LCORL: variants seen among roughly 807,000 people sequenced by gnomAD.
LCORL encodes the protein ligand-dependent nuclear receptor corepressor-like protein.
Under a neutral mutation model 141.8 loss-of-function variants are expected in LCORL, and 41 were observed. The observed-to-expected ratio is 0.29, with a 90% CI of 0.23 to 0.38. The LOEUF is 0.38. Ranked by LOEUF, LCORL falls within the 10% of genes least tolerant of loss-of-function variation. The pLI, the probability that LCORL is intolerant of heterozygous loss-of-function variation, is 1.00. For missense variants in LCORL, 1,759 were observed against 2,035.0 expected (o/e 0.86, Z 2.61); for synonymous variants, 618 against 694.1 (o/e 0.89, Z 1.72).
chr4:17,914,055 T>C (rs958525282), intron 4 of LCORL, among the ~76,000 whole-genome samples: 1 of 152,248 alleles, frequency 6.6e-6, no homozygotes, highest in African/African-American at 2.4e-5. Flanking sequence ...TATAAACCCA[T>C]GTGATACTTT....
chr4:17,982,394 C>T (rs976406500), intron 1 of LCORL, among the ~76,000 whole-genome samples: 1 of 152,128 alleles, frequency 6.6e-6, no homozygotes, highest in African/African-American at 2.4e-5. Context: ...TTTATCCTCC[C>T]ACCAACAGTG....
chr4:18,011,093 A>G (rs959286289), intron 1 of LCORL, among the ~76,000 whole-genome samples: 12 of 152,112 alleles, frequency 7.9e-5, no homozygotes, highest in Non-Finnish European at 1.6e-4. Flanking sequence ...TTCTCTACTG[A>G]GCCTAGGACT....
At position 17,877,131 on chromosome 4, in the gene LCORL, G is replaced by T; in HGVS notation, c.1859C>A (p.Ser620Ter). The T allele has an allele frequency of 8.1e-7, 1 of 1,230,798 alleles. No individual in the cohort carries two copies. The highest frequency in any genetic ancestry group is 1.0e-6 in the Non-Finnish European group (1 of 987,074). The allele number at this position is 1,230,798 out of a possible 1,614,324, so 76.2% of individuals were successfully genotyped here. ...TAAAGACTGCCTTCTAAACATGGGT[G>T]AATCAGAGGAGTTGCGCATTGCAAA... Residue 620 changes from serine (S) to a stop codon, truncating the protein, a stop_gained, in exon 7 of 8, where the codon TCA (serine) becomes TAA (stop). Transcript: ENST00000635767. LOFTEE classifies it high-confidence loss of function.
At chr4:17,909,279 C>T (rs768142522) in exon 5 of LCORL, 12 of 1,610,410 alleles carry the variant, frequency 7.5e-6, no homozygotes, top group Middle Eastern at 1.6e-4. Context: ...CGCAAATTGA[C>T]GTATCATCTT....
chr4:18,021,544 C>A lies in LCORL; in HGVS notation c.154+54G>T. ...ACCCCTCAGCCACAAACTCCTCGGGCTGCGACAGCGGTCGCCGCGCGGAGC... is the reference window on the plus strand; with the variant it reads ...ACCCCTCAGCCACAAACTCCTCGGGATGCGACAGCGGTCGCCGCGCGGAGC... On this transcript the variant is annotated intron_variant, in intron 1 of 7. Coordinates refer to ENST00000635767, the Ensembl canonical transcript of LCORL. The surrounding 1 kb of genome is among the most constrained non-coding windows in gnomAD (Gnocchi z 5.5). The A allele has an allele frequency of 5.4e-6, 8 of 1,468,544 alleles. No individual in the cohort carries two copies. The highest frequency in any genetic ancestry group is 6.4e-6 in the Non-Finnish European group (7 of 1,096,356). 91.0% of individuals were successfully genotyped at this position (1,468,544 alleles called of 1,614,324 possible). A position where few individuals can be genotyped will look rare whatever the true frequency, so the allele number is the denominator to read the frequency against.
rs375528334 is a variant in LCORL, at chr4:17,909,216, A to G, written c.560T>C (p.Ile187Thr). Reference sequence around the variant, plus strand: ...ACTTTTACATACTATACTTGGTCCAATTGAACCATTTCTATTCTCTTGAGT... The same window carrying G: ...ACTTTTACATACTATACTTGGTCCAGTTGAACCATTTCTATTCTCTTGAGT... The change falls in exon 5 of 8, where the codon ATT (isoleucine) becomes ACT (threonine). Residue 187 changes from isoleucine (I) to threonine (T), a missense_variant. This residue lies in a region of LCORL where 1,311 missense variants were observed against 1,531.3 expected (regional missense o/e 0.86). Coordinates refer to ENST00000635767, the Ensembl canonical transcript of LCORL. 2.4e-5 allele frequency: 38 copies of G among 1,613,534 alleles called. 1 individual carries two copies. Among genetic ancestry groups the G allele is most frequent in the South Asian group, 2.1e-4 (19 of 91,038 alleles).
At chr4:17,952,414 A>T (rs1417673622) in intron 4 of LCORL, among the ~76,000 whole-genome samples, 6 of 135,842 alleles carry the variant, frequency 4.4e-5, no homozygotes, top group African/African-American at 1.1e-4. Context: ...CTCAAAAACA[A>T]TTTTTTTTTT....
At chr4:17,868,941 T>C (rs917178441) in intron 7 of LCORL, among the ~76,000 whole-genome samples, 4 of 152,030 alleles carry the variant, frequency 2.6e-5, no homozygotes, top group African/African-American at 9.7e-5. Flanking sequence ...CAATCCCACA[T>C]ACTACTCTTG....
Position 17,972,890 on chromosome 4 carries a change from GT to G in LCORL, c.155-6del. 1 of 1,375,154 alleles carries G rather than the reference GT, an allele frequency of 7.3e-7. No individual in the cohort carries two copies. Among genetic ancestry groups the G allele is most frequent in the Non-Finnish European group, 9.6e-7 (1 of 1,046,964 alleles). The allele number at this position is 1,375,154 out of a possible 1,614,324, so 85.2% of individuals were successfully genotyped here. A position where few individuals can be genotyped will look rare whatever the true frequency, so the allele number is the denominator to read the frequency against. On this transcript the variant is annotated splice_polypyrimidine_tract_variant and splice_region_variant and intron_variant, in intron 1 of 7. Coordinates refer to ENST00000635767, the Ensembl canonical transcript of LCORL. Reference sequence around the variant, plus strand: ...CTTCTAAAATACTCTCAAAACCTGTGTTTTTAGAGAGAGAAAAGTATATTAA... The same window carrying G: ...CTTCTAAAATACTCTCAAAACCTGTGTTTTAGAGAGAGAAAAGTATATTAA...
intron 4 of LCORL, among the ~76,000 whole-genome samples, chr4:17,932,453 T>C (rs1399377495): frequency 6.6e-6 from 1 of 152,190 alleles, no homozygotes; most frequent in African/African-American, 2.4e-5. Context: ...GGCTGTTTGG[T>C]ATTCAGGCTT....
exon 8 of LCORL, chr4:17,843,506 C>G: frequency 6.8e-7 from 1 of 1,474,610 alleles, no homozygotes; most frequent in South Asian, 1.2e-5. Flanking sequence ...TTGTCAAAAT[C>G]AGAACAAACC....
chr4:17,972,200 C>G (rs1489871683), intron 2 of LCORL, among the ~76,000 whole-genome samples: 1 of 151,772 alleles, frequency 6.6e-6, no homozygotes, highest in Non-Finnish European at 1.5e-5. Context: ...AATCTCCTGA[C>G]TTCTACTCAA....
intron 4 of LCORL, among the ~76,000 whole-genome samples, chr4:17,921,190 A>AT (rs199551309): frequency 0.13 from 19,864 of 148,846 alleles, 1,410 homozygotes; most frequent in South Asian, 0.27. Flanking sequence ...CACCTGGTTG[A>AT]TTTTTTTTTT....
At chr4:17,912,143 G>C in intron 4 of LCORL, 1 of 990,966 alleles carries the variant, frequency 1.0e-6, no homozygotes, top group Non-Finnish European at 1.6e-6. Flanking sequence ...GACAATGCCC[G>C]CATTGTTCTG....
intron 7 of LCORL, among the ~76,000 whole-genome samples, chr4:17,849,744 T>C (rs1723398543): frequency 6.6e-6 from 1 of 152,150 alleles, no homozygotes; most frequent in Non-Finnish European, 1.5e-5. Context: ...CCCATCAAGC[T>C]ACCAATGACT....
At chr4:17,907,757 A>G (rs2109321454) in intron 5 of LCORL, among the ~76,000 whole-genome samples, 1 of 152,186 alleles carries the variant, frequency 6.6e-6, no homozygotes, top group African/African-American at 2.4e-5. Flanking sequence ...GTGTTAGTGT[A>G]TTTTATGTGT....
chr4:17,859,663 G>A (rs1724767787), intron 7 of LCORL, among the ~76,000 whole-genome samples: 1 of 152,116 alleles, frequency 6.6e-6, no homozygotes, highest in Non-Finnish European at 1.5e-5. Flanking sequence ...GAAAAAATAG[G>A]AACAATGTAC....
At chr4:17,849,752 ACTTT>A (rs1188845036) in intron 7 of LCORL, among the ~76,000 whole-genome samples, 1 of 152,112 alleles carries the variant, frequency 6.6e-6, no homozygotes, top group Non-Finnish European at 1.5e-5. Context: ...GCTACCAATG[ACTTT>A]CTTCACAGAA....
rs112241710 is a variant in LCORL at position 18,002,095 on chromosome 4, G to A, written c.154+19503C>T. Among the ~76,000 whole-genome samples, 1,264 of 152,204 alleles carry A rather than the reference G, an allele frequency of 8.3e-3. 17 individuals are homozygous for A. Among genetic ancestry groups the A allele is most frequent in the African/African-American group, 0.028 (1,177 of 41,524 alleles). On this transcript the variant is annotated intron_variant, in intron 1 of 7. Transcript: ENST00000635767. ...TGCTGACAAATACTGTAACACTAATGTGAAAACATTTTCATTAAGTTATTG... is the reference window on the plus strand; with the variant it reads ...TGCTGACAAATACTGTAACACTAATATGAAAACATTTTCATTAAGTTATTG...
Sources: gnomAD v4.1 joint callset for allele counts (sites outside exome capture counted in the v4.1 genomes callset) on GRCh38, gnomAD v4.1.1 for gene constraint, gnomAD v4.1.1 regional missense constraint, Gnocchi (gnomAD v3.1) non-coding constraint, MANE v1.5 for transcripts, NCBI Gene and HGNC (gene_info 2026-07-23, HGNC 2026-07-21) for gene names.